The following IGSF6 variants were observed in gnomAD, a reference collection of about 807,000 sequenced individuals.
IGSF6 encodes immunoglobulin superfamily member 6, also known as down-regulated by activation (immunoglobulin superfamily).
In IGSF6, 23 loss-of-function variants were observed where a neutral mutation model predicts 24.7. That is an observed-to-expected ratio of 0.93 (90% confidence interval 0.67 to 1.32). IGSF6 has a LOEUF of 1.32. Among genes scored for constraint, IGSF6 ranks in the 40% most tolerant of loss-of-function variants. IGSF6 has a pLI of 0.00. For missense variants in IGSF6, 295 were observed against 293.6 expected (o/e 1.00, Z -0.04); for synonymous variants, 110 against 113.7 (o/e 0.97, Z 0.21).
Position 21,644,457 on chromosome 16 carries a change from G to A in IGSF6, c.428-61C>T, listed in dbSNP as rs142989984. On this transcript the variant is annotated intron_variant, in intron 2 of 5. Coordinates refer to ENST00000268389, the MANE Select transcript of IGSF6 (RefSeq NM_005849.4). The stretch of plus-strand genomic sequence containing the variant: ...TTAAAGCCTATTCTTTCAAATACAT[G>A]TGTAAAGTATCCTTCACACTGCGTT... The A allele has an allele frequency of 2.6e-4, 303 of 1,185,668 alleles. 2 individuals are homozygous for A. The African/African-American group carries it at 3.9e-3, about 15-fold the overall frequency. 73.4% of individuals were successfully genotyped at this position (1,185,668 alleles called of 1,614,324 possible).
chr16:21,649,334 G>A (rs539357811), intron 1 of IGSF6, among the ~76,000 whole-genome samples: 1 of 152,266 alleles, frequency 6.6e-6, no homozygotes, highest in African/African-American at 2.4e-5. Context: ...TGCAACATGA[G>A]ATGAGCTGGG....
intron 2 of IGSF6, among the ~76,000 whole-genome samples, chr16:21,645,367 C>T (rs781236738): frequency 1.3e-4 from 20 of 152,202 alleles, no homozygotes; most frequent in Admixed American, 5.2e-4. Flanking sequence ...GCAGGAGAAT[C>T]GCTTGAACCC....
intron 1 of IGSF6, among the ~76,000 whole-genome samples, chr16:21,649,569 A>G (rs1359825834): frequency 6.6e-6 from 1 of 152,226 alleles, no homozygotes; most frequent in African/African-American, 2.4e-5. Flanking sequence ...GTATATACTG[A>G]GTGGAAATTT....
At position 21,641,117 on chromosome 16, in the gene IGSF6, C is replaced by T. The variant is rs1345631394; in HGVS notation, c.*417G>A. 2 of 154,396 alleles carry T rather than the reference C, an allele frequency of 1.3e-5. No homozygotes were observed. Among genetic ancestry groups the T allele is most frequent in the Non-Finnish European group, 2.9e-5 (2 of 69,614 alleles). 9.6% of individuals were successfully genotyped at this position (154,396 alleles called of 1,614,324 possible). A position where few individuals can be genotyped will look rare whatever the true frequency, so the allele number is the denominator to read the frequency against. On this transcript the variant is annotated 3_prime_UTR_variant, in exon 6 of 6. Coordinates refer to ENST00000268389, the MANE Select transcript of IGSF6 (RefSeq NM_005849.4). Reference sequence around the variant, plus strand: ...TGCTTTTCAAAATGAATGTCTCTAACTCAAATTTTGTCACGTTGTCCCTCC... The same window carrying T: ...TGCTTTTCAAAATGAATGTCTCTAATTCAAATTTTGTCACGTTGTCCCTCC...
At chr16:21,642,147 C>T (rs368484313) in intron 5 of IGSF6, 1 of 152,044 alleles carries the variant, frequency 6.6e-6, no homozygotes, top group Non-Finnish European at 1.5e-5. Flanking sequence ...GTTCGTGAAG[C>T]GTTCCATATT....
chr16:21,645,770 C>T (rs1302104067), intron 2 of IGSF6, among the ~76,000 whole-genome samples: 1 of 152,214 alleles, frequency 6.6e-6, no homozygotes, highest in Non-Finnish European at 1.5e-5. Context: ...ACATACAAAT[C>T]TCTAAAGCTG....
chr16:21,641,375 T>C lies in IGSF6; in HGVS notation c.*159A>G. On this transcript the variant is annotated 3_prime_UTR_variant, in exon 6 of 6. Coordinates refer to ENST00000268389, the MANE Select transcript of IGSF6 (RefSeq NM_005849.4). ...GTTTTAGTATTTTGGTAATGACTAT[T>C]AGTTATAGTTTCCTTACATTCTGAC... 2.2e-6 allele frequency: 1 copy of C among 457,080 alleles called. No homozygotes were observed. The highest frequency in any genetic ancestry group is 3.9e-6 in the Non-Finnish European group (1 of 254,250). The allele number at this position is 457,080 out of a possible 1,614,324, so 28.3% of individuals were successfully genotyped here.
At chr16:21,644,518 T>C in intron 2 of IGSF6, 122 bp from the exon 3 acceptor site, 1 of 652,916 alleles carries the variant, frequency 1.5e-6, no homozygotes, top group Non-Finnish European at 2.6e-6. Context: ...TGCTTGCCTA[T>C]TCGTATAAAA....
intron 2 of IGSF6, chr16:21,646,777 T>G: frequency 3.0e-6 from 1 of 328,762 alleles, no homozygotes. Context: ...TGCCTCAACC[T>G]CCCAAGCAGC....
At chr16:21,643,194 A>G in intron 4 of IGSF6, 40 bp from the exon 5 acceptor site, 1 of 1,458,068 alleles carries the variant, frequency 6.9e-7, no homozygotes, top group Non-Finnish European at 9.5e-7. Flanking sequence ...TCTTTTGGGA[A>G]TATAAGCGAT....
intron 2 of IGSF6, among the ~76,000 whole-genome samples, chr16:21,645,225 G>A (rs1966391862): frequency 6.6e-6 from 1 of 152,136 alleles, no homozygotes; most frequent in South Asian, 2.1e-4. Context: ...GGCCGAGGTG[G>A]GCAGATCACT....
chr16:21,649,756 A>G (rs919060549), intron 1 of IGSF6, among the ~76,000 whole-genome samples: 1 of 152,128 alleles, frequency 6.6e-6, no homozygotes, highest in Non-Finnish European at 1.5e-5. Context: ...CCAAACTGGA[A>G]TGCAGTGGTG....
chr16:21,646,110 C>G (rs986507832), intron 2 of IGSF6, among the ~76,000 whole-genome samples: 1 of 151,826 alleles, frequency 6.6e-6, no homozygotes, highest in African/African-American at 2.4e-5. Context: ...TGCTGCTGTT[C>G]TCTTTTTTCC....
rs1472506060 is a variant in IGSF6, at chr16:21,641,374, T to C, written c.*160A>G. The C allele has an allele frequency of 4.4e-6, 2 of 454,108 alleles. No homozygotes were observed. Among genetic ancestry groups the C allele is most frequent in the Admixed American group, 8.4e-5 (2 of 23,872 alleles). The allele number at this position is 454,108 out of a possible 1,614,324, so 28.1% of individuals were successfully genotyped here. On this transcript the variant is annotated 3_prime_UTR_variant, in exon 6 of 6. Coordinates refer to ENST00000268389, the MANE Select transcript of IGSF6 (RefSeq NM_005849.4). ...GGTTTTAGTATTTTGGTAATGACTATTAGTTATAGTTTCCTTACATTCTGA... is the reference window on the plus strand; with the variant it reads ...GGTTTTAGTATTTTGGTAATGACTACTAGTTATAGTTTCCTTACATTCTGA...
At chr16:21,642,053 A>G (rs1014795738) in intron 5 of IGSF6, 4 of 152,432 alleles carry the variant, frequency 2.6e-5, no homozygotes, top group African/African-American at 9.6e-5. Context: ...TTAGATTTTT[A>G]GCGCTTGCTT....
intron 1 of IGSF6, among the ~76,000 whole-genome samples, chr16:21,648,958 C>T (rs921462648): frequency 3.3e-5 from 5 of 152,154 alleles, no homozygotes; most frequent in South Asian, 2.1e-4. Flanking sequence ...GTTTGTGATG[C>T]GAGTCTCTTC....
chr16:21,649,259 C>T (rs990265984), intron 1 of IGSF6, among the ~76,000 whole-genome samples: 1 of 152,186 alleles, frequency 6.6e-6, no homozygotes, highest in Non-Finnish European at 1.5e-5. Flanking sequence ...TTCCAAAGTG[C>T]TGGGATTACA....
Position 21,643,615 on chromosome 16 carries a change from G to A in IGSF6, c.535-17C>T, listed in dbSNP as rs748842324. 4 of 1,565,268 alleles carry A rather than the reference G, an allele frequency of 2.6e-6. No homozygotes were observed. In the South Asian group the frequency reaches 4.5e-5, roughly 18 times the overall value. ...GGATTTTGACTGCCAAGAAGAGAAG[G>A]AAAGTCTATGAAACATTTTATGTAC... On this transcript the variant is annotated splice_polypyrimidine_tract_variant and intron_variant, in intron 3 of 5. Transcript: ENST00000268389.
intron 1 of IGSF6, among the ~76,000 whole-genome samples, chr16:21,648,433 C>T (rs865784697): frequency 2.0e-5 from 3 of 152,208 alleles, no homozygotes; most frequent in Middle Eastern, 3.4e-3. Context: ...TACAAGGGAG[C>T]GATTGCTGCT....
Sources: gnomAD v4.1 joint callset for allele counts (sites outside exome capture counted in the v4.1 genomes callset) on GRCh38, gnomAD v4.1.1 for gene constraint, MANE v1.5 for transcripts, NCBI Gene and HGNC (gene_info 2026-07-23, HGNC 2026-07-21) for gene names.